Variants in FGF7 observed in about 807,000 individuals in gnomAD.
FGF7 encodes fibroblast growth factor 7.
Under a neutral mutation model 20.5 loss-of-function variants are expected in FGF7, and 6 were observed. That is an observed-to-expected ratio of 0.29 (90% CI 0.16 to 0.58). The LOEUF (loss-of-function observed/expected upper bound fraction) is 0.58, where lower values mean the gene tolerates loss of function less well. Ranked by LOEUF, FGF7 falls within the 20% of genes least tolerant of loss-of-function variation. The pLI is 0.90. For synonymous variants in FGF7, 64 were observed against 74.7 expected, an observed-to-expected ratio of 0.86 and a Z score of 0.74; for missense variants, 144 against 228.8, an observed-to-expected ratio of 0.63 and a Z score of 2.39.
chr15:49,481,180 C>T (rs2055909844), intron 2 of FGF7, among the ~76,000 whole-genome samples: 1 of 152,124 alleles, frequency 6.6e-6, no homozygotes. Flanking sequence ...CCAACTATTC[C>T]ATATGTCTTT....
chr15:49,476,228 T>C (rs992049332), intron 2 of FGF7, among the ~76,000 whole-genome samples: 6 of 108,996 alleles, frequency 5.5e-5, no homozygotes, highest in Non-Finnish European at 1.2e-4. Context: ...TTTTTTTGTT[T>C]TTGGTTTTTT....
chr15:49,473,670 T>C lies in FGF7; in HGVS notation c.287-9481T>C, dbSNP rs545033804. Among the ~76,000 whole-genome samples, 4 of 152,256 alleles carry C rather than the reference T, an allele frequency of 2.6e-5. No homozygotes were observed. The South Asian group carries it at 6.2e-4, about 24-fold the overall frequency. On this transcript the variant is annotated intron_variant, in intron 2 of 3. Coordinates refer to ENST00000267843, the MANE Select transcript of FGF7 (RefSeq NM_002009.4). ...ATTTACAAATAGAAGAATAAAACTA[T>C]TTCTCTTATTTCAACATTTGGAAAC...
intron 2 of FGF7, among the ~76,000 whole-genome samples, chr15:49,457,404 T>C (rs1465925989): frequency 6.6e-6 from 1 of 151,988 alleles, no homozygotes; most frequent in East Asian, 1.9e-4. Context: ...CATTCAAATT[T>C]CAAAGCTGAA....
At position 49,485,711 on chromosome 15, in the gene FGF7, A is replaced by G. The variant is rs1418349776; in HGVS notation, c.*1207A>G. The G allele has an allele frequency of 6.6e-6, 1 of 152,540 alleles. No homozygotes were observed. Among genetic ancestry groups the G allele is most frequent in the Non-Finnish European group, 1.5e-5 (1 of 67,982 alleles). 9.4% of individuals were successfully genotyped at this position (152,540 alleles called of 1,614,324 possible). A position where few individuals can be genotyped will look rare whatever the true frequency, so the allele number is the denominator to read the frequency against. On this transcript the variant is annotated 3_prime_UTR_variant, in exon 4 of 4. Transcript: ENST00000267843. ...ATATGTAAAAAATCTTTCACCACAT[A>G]TTCTTGCCAATTAATTGGATCATAT...
At chr15:49,430,998 T>A (rs1473090621) in intron 2 of FGF7, among the ~76,000 whole-genome samples, 1 of 151,840 alleles carries the variant, frequency 6.6e-6, no homozygotes, top group Non-Finnish European at 1.5e-5. Flanking sequence ...TTTCTAAGGA[T>A]CATAGCTTTC....
At position 49,471,228 on chromosome 15, in the gene FGF7, G is replaced by A. The variant is rs35308947; in HGVS notation, c.287-11923G>A. On this transcript the variant is annotated intron_variant, in intron 2 of 3. Transcript: ENST00000267843. ...AGGCCGGATACAGTGACTCGTGCCT[G>A]TAATCCCAGCACTTTGGGAGGCCGA... Among the ~76,000 whole-genome samples the A allele has an allele frequency of 4.6e-3, 677 of 147,764 alleles. 4 individuals carry two copies. Among genetic ancestry groups the A allele is most frequent in the Admixed American group, 0.01 (149 of 14,334 alleles).
At position 49,472,442 on chromosome 15, in the gene FGF7, A is replaced by G. The variant is rs115138626; in HGVS notation, c.287-10709A>G. Among the ~76,000 whole-genome samples the G allele has an allele frequency of 8.6e-3, 1,313 of 152,350 alleles. 32 individuals carry two copies. The highest frequency in any genetic ancestry group is 0.067 in the South Asian group (324 of 4,830). On this transcript the variant is annotated intron_variant, in intron 2 of 3. Coordinates refer to ENST00000267843, the MANE Select transcript of FGF7 (RefSeq NM_002009.4). ...TTATGGAAGACTTTTGGAAGTTGCC[A>G]TAGGACACTTCAGTTAAATCGCATC...
In FGF7 at chr15:49,446,926, C is replaced by G. The variant is rs536696231; in HGVS notation, c.286+22343C>G. ...GCAATACACAGATATATCAAGAAAT[C>G]AGGAGAGATAAAAGGCAGAGAAATA... On this transcript the variant is annotated intron_variant, in intron 2 of 3. Transcript: ENST00000267843. 9.1e-4 allele frequency among the ~76,000 whole-genome samples: 138 copies of G among 151,402 alleles called. 5 individuals are homozygous for G. In the South Asian group the frequency reaches 0.027, roughly 30 times the overall value.
intron 2 of FGF7, among the ~76,000 whole-genome samples, chr15:49,440,281 C>T (rs961483313): frequency 6.6e-6 from 1 of 151,670 alleles, no homozygotes; most frequent in Non-Finnish European, 1.5e-5. Context: ...CAATTTGGAT[C>T]ATTTCCCCTT....
intron 2 of FGF7, among the ~76,000 whole-genome samples, chr15:49,468,292 G>A (rs1567335171): frequency 6.6e-6 from 1 of 152,234 alleles, no homozygotes; most frequent in East Asian, 1.9e-4. Context: ...GGACATTTCA[G>A]TTATACTTGA....
intron 2 of FGF7, among the ~76,000 whole-genome samples, chr15:49,473,588 C>A (rs989761269): frequency 1.3e-5 from 2 of 151,948 alleles, no homozygotes; most frequent in African/African-American, 4.8e-5. Context: ...GTTGGTCTCA[C>A]GTTTTGGAGG....
chr15:49,480,406 CA>C (rs1304563748), intron 2 of FGF7, among the ~76,000 whole-genome samples: 1 of 151,580 alleles, frequency 6.6e-6, no homozygotes, highest in African/African-American at 2.4e-5. Context: ...CTCCCAAGTT[CA>C]AGTGATTCCC....
rs574376308 is a variant in FGF7, at chr15:49,488,724, G to A, written c.*4220G>A. 4 of 152,064 alleles carry A rather than the reference G, an allele frequency of 2.6e-5. No individual in the cohort carries two copies. In the South Asian group the frequency reaches 8.3e-4, roughly 32 times the overall value. The allele number at this position is 152,064 out of a possible 1,614,324, so 9.4% of individuals were successfully genotyped here. A position where few individuals can be genotyped will look rare whatever the true frequency, so the allele number is the denominator to read the frequency against. Reference sequence around the variant, plus strand: ...CTTCTCTTGATGAATCCTTCCATGTGTTAGTTATCTATTGCTGTGTAACAA... The same window carrying A: ...CTTCTCTTGATGAATCCTTCCATGTATTAGTTATCTATTGCTGTGTAACAA... On this transcript the variant is annotated 3_prime_UTR_variant, in exon 4 of 4. Coordinates refer to ENST00000267843, the MANE Select transcript of FGF7 (RefSeq NM_002009.4).
chr15:49,448,153 A>T (rs1280708127), intron 2 of FGF7, among the ~76,000 whole-genome samples: 6 of 151,796 alleles, frequency 4.0e-5, no homozygotes, highest in Non-Finnish European at 8.8e-5. Flanking sequence ...GGCCAGATGA[A>T]TGAGGGTTAT....
chr15:49,444,167 C>T (rs538963926), intron 2 of FGF7, among the ~76,000 whole-genome samples: 2 of 151,660 alleles, frequency 1.3e-5, no homozygotes, highest in African/African-American at 2.4e-5. Context: ...CAATGAGAAC[C>T]ATATGTACTA....
intron 2 of FGF7, among the ~76,000 whole-genome samples, chr15:49,435,690 C>T (rs1476701745): frequency 6.6e-6 from 1 of 151,338 alleles, no homozygotes; most frequent in Non-Finnish European, 1.5e-5. Flanking sequence ...AATAGATACC[C>T]CAAAGAAGAT....
chr15:49,459,799 G>A (rs1314435564), intron 2 of FGF7, among the ~76,000 whole-genome samples: 2 of 152,138 alleles, frequency 1.3e-5, no homozygotes, highest in African/African-American at 4.8e-5. Flanking sequence ...CCCGGCTCCT[G>A]TGTGCATCTC....
At chr15:49,476,864 C>T (rs1193149362) in intron 2 of FGF7, among the ~76,000 whole-genome samples, 1 of 151,936 alleles carries the variant, frequency 6.6e-6, no homozygotes, top group Non-Finnish European at 1.5e-5. Flanking sequence ...TTGAGACCAT[C>T]CTGGCTAACA....
At chr15:49,473,636 T>C (rs2054988701) in intron 2 of FGF7, among the ~76,000 whole-genome samples, 1 of 152,132 alleles carries the variant, frequency 6.6e-6, no homozygotes, top group Non-Finnish European at 1.5e-5. Flanking sequence ...ATTTTATTTA[T>C]GGAGCACTAT....
Sources: allele counts gnomAD v4.1 joint callset (sites outside exome capture counted in the v4.1 genomes callset), GRCh38; gene constraint gnomAD v4.1.1; transcripts MANE v1.5; gene names NCBI Gene and HGNC (gene_info 2026-07-23, HGNC 2026-07-21).